Variants in CDH6 observed in about 807,000 individuals in gnomAD.
The protein encoded by CDH6 is cadherin 6.
Under a neutral mutation model 78.0 loss-of-function variants are expected in CDH6, and 31 were observed. The observed-to-expected ratio is 0.40, with a 90% CI of 0.30 to 0.54. The LOEUF (loss-of-function observed/expected upper bound fraction) is 0.54. Ranked by LOEUF, CDH6 falls within the 20% of genes least tolerant of loss-of-function variation. The pLI is 0.56. For missense variants in CDH6, 724 were observed against 975.9 expected (o/e 0.74, Z 3.44); for synonymous variants, 376 against 368.8 (o/e 1.02, Z -0.23).
chr5:31,220,721 T>C (rs1229305839), intron 1 of CDH6, among the ~76,000 whole-genome samples: 1 of 152,148 alleles, frequency 6.6e-6, no homozygotes, highest in Non-Finnish European at 1.5e-5. Context: ...TATTCTCTGA[T>C]ACAGAAGTTA....
At chr5:31,274,427 G>T (rs1742629614) in intron 2 of CDH6, among the ~76,000 whole-genome samples, 1 of 152,174 alleles carries the variant, frequency 6.6e-6, no homozygotes, top group Non-Finnish European at 1.5e-5. Flanking sequence ...GAGTAACAGA[G>T]AAAGCCTCAC....
At chr5:31,205,175 T>A (rs1740481332) in intron 1 of CDH6, among the ~76,000 whole-genome samples, 1 of 152,252 alleles carries the variant, frequency 6.6e-6, no homozygotes, top group Admixed American at 6.5e-5. Context: ...TAGGTGAAAT[T>A]CTTCTCATGT....
At chr5:31,287,584 C>T (rs1020097252) in intron 2 of CDH6, among the ~76,000 whole-genome samples, 1 of 152,076 alleles carries the variant, frequency 6.6e-6, no homozygotes, top group African/African-American at 2.4e-5. Flanking sequence ...AACTAAGTTC[C>T]CCAAGGTTAT....
At chr5:31,292,817 GTGTGCATATATATATATATATATATATA>G (rs1227473734) in intron 2 of CDH6, among the ~76,000 whole-genome samples, 4 of 72,054 alleles carry the variant, frequency 5.6e-5, no homozygotes, top group East Asian at 9.2e-4. Flanking sequence ...ATATATATAT[GTGTGCATATATATATATATATATATATA>G]TGTGTGCATA....
At chr5:31,262,048 T>A (rs1221685201) in intron 1 of CDH6, among the ~76,000 whole-genome samples, 1 of 152,240 alleles carries the variant, frequency 6.6e-6, no homozygotes, top group Non-Finnish European at 1.5e-5. Context: ...TTTGCACTAT[T>A]AATTTCCAAT....
chr5:31,301,728 G>A (rs1273971353), intron 5 of CDH6, among the ~76,000 whole-genome samples: 1 of 152,208 alleles, frequency 6.6e-6, no homozygotes, highest in Non-Finnish European at 1.5e-5. Flanking sequence ...AGAATACCTA[G>A]TAATTAACTA....
At chr5:31,205,479 GATTAATA>G (rs1740491071) in intron 1 of CDH6, among the ~76,000 whole-genome samples, 1 of 152,146 alleles carries the variant, frequency 6.6e-6, no homozygotes, top group Admixed American at 6.6e-5. Flanking sequence ...CCTGAAGCCT[GATTAATA>G]ATTTATGCCT....
chr5:31,313,972 G>A (rs883938), intron 8 of CDH6, among the ~76,000 whole-genome samples: 136,285 of 152,122 alleles, frequency 0.9, 62,077 homozygotes, highest in East Asian at 0.99. Context: ...AGTAATACAA[G>A]CCATCAAGTA....
chr5:31,226,029 T>G (rs889687595), intron 1 of CDH6, among the ~76,000 whole-genome samples: 25 of 152,164 alleles, frequency 1.6e-4, no homozygotes, highest in African/African-American at 6.0e-4. Context: ...GGTCCTTTGC[T>G]GCCCTAAGAA....
intron 1 of CDH6, among the ~76,000 whole-genome samples, chr5:31,265,026 C>T (rs12188148): frequency 6.6e-6 from 1 of 152,128 alleles, no homozygotes; most frequent in Non-Finnish European, 1.5e-5. Context: ...ATCCCTCTTT[C>T]CTGCCAGCAC....
At chr5:31,221,734 T>C (rs555967584) in intron 1 of CDH6, among the ~76,000 whole-genome samples, 1 of 152,172 alleles carries the variant, frequency 6.6e-6, no homozygotes, top group Non-Finnish European at 1.5e-5. Context: ...TCAATGCAAA[T>C]GTCATGTAAG....
chr5:31,291,810 A>G (rs1210650472), intron 2 of CDH6, among the ~76,000 whole-genome samples: 1 of 152,168 alleles, frequency 6.6e-6, no homozygotes, highest in East Asian at 1.9e-4. Flanking sequence ...AGCATATCCC[A>G]TCACTCAAAT....
Position 31,326,999 on chromosome 5 carries a change from A to T in CDH6, c.*3691A>T, listed in dbSNP as rs539145358. 15 of 173,940 alleles carry T rather than the reference A, an allele frequency of 8.6e-5. No individual in the cohort carries two copies. The highest frequency in any genetic ancestry group is 1.6e-4 in the Non-Finnish European group (13 of 80,462). 10.8% of individuals were successfully genotyped at this position (173,940 alleles called of 1,614,324 possible). A position where few individuals can be genotyped will look rare whatever the true frequency, so the allele number is the denominator to read the frequency against. ...GTGAGCCACCGCGCCCGGCCTTAAAAATTGAATCTGTAGCTTAGGCCATCC... is the reference window on the plus strand; with the variant it reads ...GTGAGCCACCGCGCCCGGCCTTAAATATTGAATCTGTAGCTTAGGCCATCC... On this transcript the variant is annotated 3_prime_UTR_variant, in exon 12 of 12. Coordinates refer to ENST00000265071, the MANE Select transcript of CDH6 (RefSeq NM_004932.4).
intron 6 of CDH6, among the ~76,000 whole-genome samples, chr5:31,304,683 CAAAAA>C (rs11398035): frequency 4.3e-4 from 29 of 67,922 alleles, no homozygotes; most frequent in Admixed American, 4.3e-3. Flanking sequence ...GACTCCGTCT[CAAAAA>C]AAAAAAAAAA....
intron 1 of CDH6, among the ~76,000 whole-genome samples, chr5:31,254,294 A>C (rs952443534): frequency 6.6e-6 from 1 of 152,214 alleles, no homozygotes; most frequent in Non-Finnish European, 1.5e-5. Context: ...ATAAGTTGTA[A>C]AGTGCTTCCT....
At chr5:31,198,034 G>C (rs1283404129) in intron 1 of CDH6, among the ~76,000 whole-genome samples, 3 of 152,060 alleles carry the variant, frequency 2.0e-5, no homozygotes, top group Admixed American at 6.6e-5. Context: ...AGGGAAGAGG[G>C]GAGAGTATAA....
chr5:31,197,543 A>G (rs1740202976), intron 1 of CDH6, among the ~76,000 whole-genome samples: 1 of 152,218 alleles, frequency 6.6e-6, no homozygotes, highest in Admixed American at 6.5e-5. Context: ...GTGAAAATGT[A>G]GACAATCAAA....
At chr5:31,233,770 G>T (rs1741380611) in intron 1 of CDH6, among the ~76,000 whole-genome samples, 2 of 152,182 alleles carry the variant, frequency 1.3e-5, no homozygotes, top group South Asian at 4.2e-4. Flanking sequence ...GGTCCTCCTT[G>T]ACTTTATAAA....
At chr5:31,210,371 G>A (rs1397036955) in intron 1 of CDH6, among the ~76,000 whole-genome samples, 1 of 152,068 alleles carries the variant, frequency 6.6e-6, no homozygotes, top group African/African-American at 2.4e-5. Context: ...GGGCATGGTC[G>A]TGCGTGCCTG....
Sources: allele counts gnomAD v4.1 joint callset (sites outside exome capture counted in the v4.1 genomes callset), GRCh38; gene constraint gnomAD v4.1.1; transcripts MANE v1.5; gene names NCBI Gene and HGNC (gene_info 2026-07-23, HGNC 2026-07-21).